IMPA2: variants seen among roughly 807,000 people sequenced by gnomAD.
IMPA2 encodes inositol monophosphatase 2, also known as IMP 2.
A neutral mutation model predicts 35.1 loss-of-function variants in IMPA2; 32 were observed. That is an observed-to-expected ratio of 0.91 (90% CI 0.69 to 1.23). IMPA2 has a LOEUF of 1.23. Among genes scored for constraint, IMPA2 ranks in the 50% most tolerant of loss-of-function variants. The pLI is 0.00. For missense variants in IMPA2, 334 were observed against 387.6 expected, an observed-to-expected ratio of 0.86 and a Z score of 1.16; for synonymous variants, 135 against 160.6, an observed-to-expected ratio of 0.84 and a Z score of 1.20.
chr18:12,029,442 A>G (rs1907985231), intron 7 of IMPA2, among the ~76,000 whole-genome samples: 2 of 141,000 alleles, frequency 1.4e-5, no homozygotes, highest in South Asian at 4.4e-4. Flanking sequence ...TTTTTTTTTG[A>G]CACGGAGTTT....
At position 11,999,260 on chromosome 18, in the gene IMPA2, G is replaced by A. The variant is rs565618784; in HGVS notation, c.230+73G>A. 1.4e-5 allele frequency: 21 copies of A among 1,453,248 alleles called. No homozygotes were observed. The East Asian group carries it at 4.3e-4, about 30-fold the overall frequency. 90.0% of individuals were successfully genotyped at this position (1,453,248 alleles called of 1,614,324 possible). ...CATAGAGAATGCAGGGTCTGCCGGG[G>A]TCAGGGGGCTCTGCTGTTTGTTGAT... On this transcript the variant is annotated intron_variant, in intron 2 of 7. Coordinates refer to ENST00000269159, the MANE Select transcript of IMPA2 (RefSeq NM_014214.3).
In IMPA2 at chr18:12,010,114, C is replaced by CCTG; in HGVS notation, c.335+127_335+128insCTG. The CCTG allele has an allele frequency of 5.0e-6, 3 of 602,062 alleles. No homozygotes were observed. Among genetic ancestry groups the CCTG allele is most frequent in the South Asian group, 2.1e-5 (1 of 48,430 alleles). The allele number at this position is 602,062 out of a possible 1,614,324, so 37.3% of individuals were successfully genotyped here. A position where few individuals can be genotyped will look rare whatever the true frequency, so the allele number is the denominator to read the frequency against. ...AACAAACCTATAGTACACTCATAGT[C>CCTG]TCATCAGAAAGATGATCAGATCTTG... is the stretch of plus-strand genomic sequence containing the variant. On this transcript the variant is annotated intron_variant, in intron 3 of 7. Transcript: ENST00000269159. The surrounding 1 kb of genome is among the most constrained non-coding windows in gnomAD (Gnocchi z 4.8).
chr18:12,000,777 A>G (rs1296947445), intron 2 of IMPA2, among the ~76,000 whole-genome samples: 2 of 150,654 alleles, frequency 1.3e-5, no homozygotes, highest in Non-Finnish European at 3.0e-5. Flanking sequence ...CACCACGCCC[A>G]GCTAATTTTT....
rs1285909495 is a variant in IMPA2, at chr18:12,010,401, G to T, written c.335+414G>T. Among the ~76,000 whole-genome samples, 1 of 152,194 alleles carries T rather than the reference G, an allele frequency of 6.6e-6. No individual in the cohort carries two copies. The highest frequency in any genetic ancestry group is 1.5e-5 in the Non-Finnish European group (1 of 68,044). On this transcript the variant is annotated intron_variant, in intron 3 of 7. Transcript: ENST00000269159. This position sits in a 1 kb window ranked among gnomAD's most constrained non-coding sequence, Gnocchi z 4.8. ...TGTGACAGGTGAGACTTGAGAGCCA[G>T]CTTCCTGTATGAGAGCAAACCTTGT...
intron 2 of IMPA2, 124 bp from the exon 3 acceptor site, chr18:12,009,759 C>G (rs1486571857): frequency 1.4e-6 from 1 of 740,020 alleles, no homozygotes; most frequent in African/African-American, 1.7e-5. Context: ...CTGTTTGACC[C>G]AGAGAAACCA....
intron 5 of IMPA2, among the ~76,000 whole-genome samples, chr18:12,019,958 C>T (rs1907683158): frequency 6.6e-6 from 1 of 152,166 alleles, no homozygotes; most frequent in Non-Finnish European, 1.5e-5. Context: ...TTACTGCAAA[C>T]TCCACCTTCC....
At chr18:12,008,437 C>T (rs1302964268) in intron 2 of IMPA2, 2 of 506,982 alleles carry the variant, frequency 3.9e-6, no homozygotes, top group Non-Finnish European at 7.9e-6. Context: ...TTGCTTAGCG[C>T]CTGCCCAAGG....
At chr18:12,014,711 G>A (rs756532215) in intron 5 of IMPA2, among the ~76,000 whole-genome samples, 2 of 152,110 alleles carry the variant, frequency 1.3e-5, no homozygotes, top group Non-Finnish European at 2.9e-5. Context: ...AGAGCACCCG[G>A]CACACCTCGG....
At chr18:12,004,607 T>C (rs1907203062) in intron 2 of IMPA2, among the ~76,000 whole-genome samples, 3 of 151,558 alleles carry the variant, frequency 2.0e-5, no homozygotes, top group Admixed American at 2.0e-4. Flanking sequence ...CTCTGCTCAC[T>C]GCAACCTCCG....
chr18:11,999,230 A>G (rs1357851800), intron 2 of IMPA2, 43 bp downstream of exon 2: 30 of 1,592,126 alleles, frequency 1.9e-5, no homozygotes, highest in Non-Finnish European at 2.5e-5. Context: ...AACCCTGGCC[A>G]CACTCATAGA....
chr18:12,014,200 A>G (rs537741069), intron 4 of IMPA2, 65 bp from the exon 5 acceptor site: 33 of 1,122,414 alleles, frequency 2.9e-5, no homozygotes, highest in African/African-American at 2.4e-4. Context: ...TTGAATAACA[A>G]TGTTTTTTCC....
intron 4 of IMPA2, among the ~76,000 whole-genome samples, chr18:12,012,892 T>C (rs1907473607): frequency 6.6e-6 from 1 of 152,256 alleles, no homozygotes; most frequent in African/African-American, 2.4e-5. Flanking sequence ...ACAGACTCCC[T>C]GGCAGGGGAG....
intron 1 of IMPA2, among the ~76,000 whole-genome samples, chr18:11,990,154 C>T (rs1218222817): frequency 6.6e-6 from 1 of 152,184 alleles, no homozygotes; most frequent in Non-Finnish European, 1.5e-5. Context: ...TCCGTTGTCC[C>T]AGCTCTGCCC....
intron 1 of IMPA2, 108 bp from the exon 2 acceptor site, chr18:11,998,946 C>T (rs1043188530): frequency 1.5e-5 from 1 of 64,646 alleles, no homozygotes. Context: ...CCCCCCCCCC[C>T]ACCCAATGGC....
chr18:11,993,565 C>G (rs1225715368), intron 1 of IMPA2, among the ~76,000 whole-genome samples: 1 of 152,206 alleles, frequency 6.6e-6, no homozygotes, highest in East Asian at 1.9e-4. Flanking sequence ...AAATGCAGAG[C>G]TCCCAACCTG....
chr18:11,991,305 A>G lies in IMPA2; in HGVS notation c.97-7749A>G, dbSNP rs1273106993. On this transcript the variant is annotated intron_variant, in intron 1 of 7. Transcript: ENST00000269159. This position sits in a 1 kb window ranked among gnomAD's most constrained non-coding sequence, Gnocchi z 4.1. Reference sequence around the variant, plus strand: ...GACTAGAGATCAAGGTGAGGGGAAAAATAGCCACGAGACTAAAGGAGGCGT... The same window carrying G: ...GACTAGAGATCAAGGTGAGGGGAAAGATAGCCACGAGACTAAAGGAGGCGT... Among the ~76,000 whole-genome samples the G allele has an allele frequency of 1.3e-5, 2 of 152,024 alleles. No individual in the cohort carries two copies. Among genetic ancestry groups the G allele is most frequent in the African/African-American group, 4.8e-5 (2 of 41,396 alleles).
chr18:12,007,865 C>T (rs757381634), intron 2 of IMPA2, among the ~76,000 whole-genome samples: 8 of 151,896 alleles, frequency 5.3e-5, no homozygotes, highest in Non-Finnish European at 1.2e-4. Flanking sequence ...GCATCCCTCC[C>T]GTCCTGGGTT....
chr18:11,996,855 AAC>A (rs150089223), intron 1 of IMPA2, among the ~76,000 whole-genome samples: 2 of 150,992 alleles, frequency 1.3e-5, no homozygotes, highest in African/African-American at 2.4e-5. Context: ...ACACCACACC[AAC>A]ACACACACAC....
intron 4 of IMPA2, among the ~76,000 whole-genome samples, chr18:12,013,504 A>G (rs931966130): frequency 6.6e-6 from 1 of 152,156 alleles, no homozygotes; most frequent in Admixed American, 6.5e-5. Context: ...AGGCTTTCCT[A>G]AGGCATTTGG....
Sources: gnomAD v4.1 joint callset for allele counts (sites outside exome capture counted in the v4.1 genomes callset) on GRCh38, gnomAD v4.1.1 for gene constraint, Gnocchi (gnomAD v3.1) non-coding constraint, MANE v1.5 for transcripts, NCBI Gene and HGNC (gene_info 2026-07-23, HGNC 2026-07-21) for gene names.